Variants in DNAJC27 observed in about 807,000 individuals in gnomAD.
DNAJC27 encodes the protein dnaJ homolog subfamily C member 27.
DNAJC27 carries 25 observed loss-of-function variants against 31.4 expected under a neutral mutation model. That is an observed-to-expected ratio of 0.80 (90% CI 0.58 to 1.11). DNAJC27 has a LOEUF of 1.11. Ranked by LOEUF, DNAJC27 falls within the 50% of genes most tolerant of loss-of-function variation. The probability of loss-of-function intolerance (pLI) is 0.00; values close to 1 mark genes in which losing one functional copy is unlikely to be tolerated. For missense variants in DNAJC27, 356 were observed against 347.3 expected (o/e 1.02, Z -0.20); for synonymous variants, 106 against 112.7 (o/e 0.94, Z 0.37).
chr2:24,961,143 C>T (rs1378491982), intron 3 of DNAJC27, among the ~76,000 whole-genome samples: 1 of 152,112 alleles, frequency 6.6e-6, no homozygotes, highest in Non-Finnish European at 1.5e-5. Flanking sequence ...GCTCATTTGC[C>T]ATAATGAAAA....
rs1259573397 is a variant in DNAJC27 at position 24,946,647 on chromosome 2, A to G, written c.*969T>C. 6.6e-6 allele frequency: 1 copy of G among 151,814 alleles called. No homozygotes were observed. The highest frequency in any genetic ancestry group is 1.5e-5 in the Non-Finnish European group (1 of 68,018). 9.4% of individuals were successfully genotyped at this position (151,814 alleles called of 1,614,324 possible). A position where few individuals can be genotyped will look rare whatever the true frequency, so the allele number is the denominator to read the frequency against. On this transcript the variant is annotated 3_prime_UTR_variant, in exon 7 of 7. Transcript: ENST00000264711. ...GCTGGCCTTTCCTCTGCTGATGTGCATAATCTTTAAGTGCGACCTCTAAGT... is the reference window on the plus strand; with the variant it reads ...GCTGGCCTTTCCTCTGCTGATGTGCGTAATCTTTAAGTGCGACCTCTAAGT...
intron 3 of DNAJC27, among the ~76,000 whole-genome samples, chr2:24,959,235 C>T (rs1665983192): frequency 6.6e-6 from 1 of 152,136 alleles, no homozygotes; most frequent in African/African-American, 2.4e-5. Context: ...CTCTTAAATT[C>T]TCTTTCACCA....
At position 24,957,829 on chromosome 2, in the gene DNAJC27, A is replaced by G. The variant is rs1487353843; in HGVS notation, c.386T>C (p.Phe129Ser). The G allele has an allele frequency of 7.4e-6, 12 of 1,614,100 alleles. No homozygotes were observed. The highest frequency in any genetic ancestry group is 1.0e-5 in the Non-Finnish European group (12 of 1,179,972). Residue 129 changes from phenylalanine to serine, a missense_variant, in exon 4 of 7, where the codon TTT (phenylalanine) becomes TCT (serine). Transcript: ENST00000264711. ...GPHGNMENII[F>S]VVCANKIDCT... ...GGTTACCTTGTTGGCACAAACTACA[A>G]ATATAATATTTTCCATGTTTCCATG...
At chr2:24,970,460 CTTTTTTTT>C (rs35742187) in intron 1 of DNAJC27, among the ~76,000 whole-genome samples, 2 of 120,112 alleles carry the variant, frequency 1.7e-5, no homozygotes, top group African/African-American at 6.4e-5. Flanking sequence ...AGTAAAATTA[CTTTTTTTT>C]TTTTTTTTTT....
At chr2:24,963,703 T>C (rs1367656074) in intron 2 of DNAJC27, among the ~76,000 whole-genome samples, 3 of 152,232 alleles carry the variant, frequency 2.0e-5, no homozygotes, top group African/African-American at 7.2e-5. Context: ...TCTCAATTAC[T>C]TCACTTTCAC....
At chr2:24,949,455 G>A (rs1282575540) in intron 6 of DNAJC27, among the ~76,000 whole-genome samples, 1 of 152,168 alleles carries the variant, frequency 6.6e-6, no homozygotes, top group African/African-American at 2.4e-5. Flanking sequence ...AAACTCTCAA[G>A]ATGTAACAAA....
Position 24,951,413 on chromosome 2 carries a change from C to T in DNAJC27, c.670G>A (p.Val224Ile). ...GCTTACCTTGAGGCCCCAGGTTTGA[C>T]TCCCAGCATGTCCCAACTGTCTTTA... Reference protein sequence around the residue: ...NSKDSWDMLGVKPGASRDEVN... With the variant: ...NSKDSWDMLGIKPGASRDEVN... Residue 224 changes from valine (V) to isoleucine (I), a missense_variant, in exon 6 of 7, where the codon GTC becomes ATC. Physicochemically the swap from Val to Ile is conservative, Grantham distance 29. Coordinates refer to ENST00000264711, the MANE Select transcript of DNAJC27 (RefSeq NM_016544.3). 3 of 1,612,986 alleles carry T rather than the reference C, an allele frequency of 1.9e-6. No individual in the cohort carries two copies. The highest frequency in any genetic ancestry group is 2.5e-6 in the Non-Finnish European group (3 of 1,179,446).
At chr2:24,970,490 C>T (rs1315205890) in intron 1 of DNAJC27, among the ~76,000 whole-genome samples, 2 of 130,822 alleles carry the variant, frequency 1.5e-5, no homozygotes, top group Non-Finnish European at 3.1e-5. Flanking sequence ...TTTGAGACGG[C>T]GTCTCACTCT....
chr2:24,959,014 A>G (rs562819084), intron 3 of DNAJC27, among the ~76,000 whole-genome samples: 3 of 152,332 alleles, frequency 2.0e-5, no homozygotes, highest in Admixed American at 1.3e-4. Flanking sequence ...GACCAAGGAT[A>G]TTAAGTGCTC....
Position 24,957,819 on chromosome 2 carries a change from A to C in DNAJC27, c.396T>G (p.Cys132Trp), listed in dbSNP as rs190369752. 1.2e-6 allele frequency: 2 copies of C among 1,614,058 alleles called. No homozygotes were observed. The highest frequency in any genetic ancestry group is 1.7e-6 in the Non-Finnish European group (2 of 1,179,942). The stretch of plus-strand genomic sequence containing the variant: ...TTTCCAGAGGGGTTACCTTGTTGGC[A>C]CAAACTACAAATATAATATTTTCCA... ...GNMENIIFVV[C>W]ANKIDCTKHR... is the part of the protein sequence containing the mutation. Residue 132 changes from cysteine to tryptophan, a missense_variant, in exon 4 of 7, where the codon TGT becomes TGG. Transcript: ENST00000264711.
chr2:24,952,394 GA>G (rs1665797673), intron 5 of DNAJC27, among the ~76,000 whole-genome samples: 5 of 152,212 alleles, frequency 3.3e-5, no homozygotes, highest in African/African-American at 1.2e-4. Flanking sequence ...ATGCATCCTG[GA>G]ATCTTTCTAT....
At chr2:24,955,370 T>C (rs1665880608) in intron 5 of DNAJC27, among the ~76,000 whole-genome samples, 1 of 151,606 alleles carries the variant, frequency 6.6e-6, no homozygotes, top group Non-Finnish European at 1.5e-5. Context: ...GAAAAATGCA[T>C]AAAAAAATGG....
chr2:24,968,866 C>CT (rs1666253775), intron 1 of DNAJC27: 1 of 153,434 alleles, frequency 6.5e-6, no homozygotes, highest in South Asian at 2.0e-4. Flanking sequence ...AGTTTGGTAG[C>CT]TTAAAAAAAA....
chr2:24,969,888 T>C (rs1459792270), intron 1 of DNAJC27, among the ~76,000 whole-genome samples: 1 of 152,206 alleles, frequency 6.6e-6, no homozygotes, highest in African/African-American at 2.4e-5. Context: ...ACTTTAGTAG[T>C]CTTGTATTAT....
chr2:24,968,949 G>A, intron 1 of DNAJC27: 1 of 164,880 alleles, frequency 6.1e-6, no homozygotes, highest in East Asian at 1.6e-4. Flanking sequence ...GACAGAGGCT[G>A]TAGATTACTC....
At chr2:24,954,269 C>G (rs1287245771) in intron 5 of DNAJC27, among the ~76,000 whole-genome samples, 1 of 152,120 alleles carries the variant, frequency 6.6e-6, no homozygotes, top group Non-Finnish European at 1.5e-5. Context: ...AAACCAATAT[C>G]CTGAGGTCTA....
intron 1 of DNAJC27, among the ~76,000 whole-genome samples, chr2:24,968,780 C>T (rs1666251725): frequency 6.6e-6 from 1 of 152,106 alleles, no homozygotes; most frequent in African/African-American, 2.4e-5. Flanking sequence ...AATTTCCTTA[C>T]GTATCTGGGT....
chr2:24,959,280 AC>A (rs1365992044), intron 3 of DNAJC27, among the ~76,000 whole-genome samples: 1 of 152,100 alleles, frequency 6.6e-6, no homozygotes, highest in African/African-American at 2.4e-5. Flanking sequence ...ACTCCAGCTT[AC>A]CACCAAAATC....
chr2:24,971,708 G>T (rs906793745), intron 1 of DNAJC27, 110 bp downstream of exon 1: 2 of 931,744 alleles, frequency 2.1e-6, no homozygotes, highest in South Asian at 1.7e-5. Flanking sequence ...GGGCCTGCTC[G>T]GGGGCGGAGA....
Sources: gnomAD v4.1 joint callset for allele counts (sites outside exome capture counted in the v4.1 genomes callset) on GRCh38, gnomAD v4.1.1 for gene constraint, MANE v1.5 for transcripts, NCBI Gene and HGNC (gene_info 2026-07-23, HGNC 2026-07-21) for gene names.